The following ZNF280D variants were observed in gnomAD, a reference collection of about 807,000 sequenced individuals.
The protein encoded by ZNF280D is suppressor of hairy wing homolog 4.
ZNF280D carries 39 observed loss-of-function variants against 94.7 expected under a neutral mutation model. That is an observed-to-expected ratio of 0.41 (90% confidence interval 0.32 to 0.54). ZNF280D has a LOEUF of 0.54. ZNF280D is among the 20% of genes least tolerant of loss of function. ZNF280D has a pLI of 0.22. For missense variants in ZNF280D, 1,090 were observed against 1,149.3 expected (o/e 0.95, Z 0.75); for synonymous variants, 398 against 377.6 (o/e 1.05, Z -0.63).
At chr15:56,676,919 A>C in intron 12 of ZNF280D, 103 bp from the exon 13 acceptor site, 1 of 881,860 alleles carries the variant, frequency 1.1e-6, no homozygotes, top group Non-Finnish European at 1.7e-6. Flanking sequence ...ATTATGTACT[A>C]CTAATCTAGC....
In ZNF280D at chr15:56,689,399, G is replaced by T; in HGVS notation, c.571C>A (p.Pro191Thr). The change falls in exon 8 of 22, where the codon CCT becomes ACT. Residue 191 changes from proline (P) to threonine (T), a missense_variant. Physicochemically the swap from Pro to Thr is conservative, Grantham distance 38 (BLOSUM62 -1). Coordinates refer to ENST00000267807, the MANE Select transcript of ZNF280D (RefSeq NM_017661.4). ...SEVNNVNPKK[P>T]KPSESVSGAN... ...CCAGAAACACTTTCGCTGGGTTTAGGCTTCTTTGGATTAACATTATTTACT... is the reference window on the plus strand; with the variant it reads ...CCAGAAACACTTTCGCTGGGTTTAGTCTTCTTTGGATTAACATTATTTACT... 6.2e-7 allele frequency: 1 copy of T among 1,604,506 alleles called. No individual in the cohort carries two copies. The highest frequency in any genetic ancestry group is 8.5e-7 in the Non-Finnish European group (1 of 1,175,260).
In ZNF280D at chr15:56,707,151, C is replaced by G. The variant is rs755618940; in HGVS notation, c.-41-1G>C. Reference sequence around the variant, plus strand: ...CTTTCTGTAAATTGTCACCTAAGTACTGACACATGATATCAGTCAATTTAA... The same window carrying G: ...CTTTCTGTAAATTGTCACCTAAGTAGTGACACATGATATCAGTCAATTTAA... On this transcript the variant is annotated splice_acceptor_variant, in intron 2 of 21. Coordinates refer to ENST00000267807, the MANE Select transcript of ZNF280D (RefSeq NM_017661.4). LOFTEE classifies it low-confidence loss of function (5UTR_SPLICE). The G allele has an allele frequency of 1.9e-6, 3 of 1,613,554 alleles. No homozygotes were observed. The South Asian group carries it at 3.3e-5, about 18-fold the overall frequency.
intron 1 of ZNF280D, among the ~76,000 whole-genome samples, chr15:56,710,762 C>T (rs1263163487): frequency 1.1e-4 from 16 of 151,906 alleles, no homozygotes; most frequent in African/African-American, 3.4e-4. Flanking sequence ...GTACTGCTGC[C>T]GTGTTAAATA....
intron 9 of ZNF280D, among the ~76,000 whole-genome samples, chr15:56,684,446 T>C (rs1381334938): frequency 6.6e-6 from 1 of 152,096 alleles, no homozygotes; most frequent in African/African-American, 2.4e-5. Flanking sequence ...TGCCTCTATT[T>C]GGAAGACCAC....
Position 56,636,459 on chromosome 15 carries a change from G to A in ZNF280D, c.2260-1209C>T, listed in dbSNP as rs528311527. On this transcript the variant is annotated intron_variant, in intron 20 of 21. Transcript: ENST00000267807. ...ACCTATCCCTTCCCTTACCAAAGAG[G>A]CTAAAACTTAACTTCCTTCCTTCCT... 4.0e-5 allele frequency among the ~76,000 whole-genome samples: 6 copies of A among 150,754 alleles called. No homozygotes were observed. In the East Asian group the frequency reaches 1.2e-3, roughly 29 times the overall value.
At chr15:56,720,849 A>G (rs1203019446) in intron 1 of ZNF280D, among the ~76,000 whole-genome samples, 1 of 151,356 alleles carries the variant, frequency 6.6e-6, no homozygotes, top group East Asian at 1.9e-4. Flanking sequence ...ACAGGCTTAA[A>G]TTTTCTGTAA....
chr15:56,720,849 A>C (rs1203019446), intron 1 of ZNF280D, among the ~76,000 whole-genome samples: 2 of 151,356 alleles, frequency 1.3e-5, no homozygotes, highest in Non-Finnish European at 2.9e-5. Flanking sequence ...ACAGGCTTAA[A>C]TTTTCTGTAA....
At chr15:56,726,253 G>A (rs1243426643) in intron 1 of ZNF280D, among the ~76,000 whole-genome samples, 1 of 151,992 alleles carries the variant, frequency 6.6e-6, no homozygotes, top group African/African-American at 2.4e-5. Flanking sequence ...AGGCAGGTAG[G>A]TTTAATGTGT....
rs1462889443 is a variant in ZNF280D at position 56,693,173 on chromosome 15, A to T, written c.424T>A (p.Ser142Thr). 1.9e-6 allele frequency: 3 copies of T among 1,602,948 alleles called. No individual in the cohort carries two copies. Among genetic ancestry groups the T allele is most frequent in the African/African-American group, 2.7e-5 (2 of 74,684 alleles). ...NSSRVVSNKS[S>T]ELLFDLTQDT... ...TGGGTCAAGTCAAACAGTAACTCTG[A>T]TGACTTATTAGACACAACTCGTGAT... Residue 142 changes from serine to threonine, a missense_variant, in exon 7 of 22, where the codon TCA becomes ACA. Physicochemically the swap from Ser to Thr is moderately conservative, Grantham distance 58. Coordinates refer to ENST00000267807, the MANE Select transcript of ZNF280D (RefSeq NM_017661.4).
chr15:56,669,880 TATATATATTATATATATATATA>T, intron 13 of ZNF280D, among the ~76,000 whole-genome samples: 192 of 7,164 alleles, frequency 0.027, 37 homozygotes, highest in African/African-American at 0.053. Flanking sequence ...ATTTTATATA[TATATATATTATATATATATATA>T]ATATATATAT....
intron 16 of ZNF280D, among the ~76,000 whole-genome samples, chr15:56,659,431 T>TA (rs1273158966): frequency 6.6e-6 from 1 of 152,108 alleles, no homozygotes; most frequent in Non-Finnish European, 1.5e-5. Context: ...GTTACACACA[T>TA]ACAGCACAAT....
At chr15:56,664,275 AC>A (rs2054145675) in intron 16 of ZNF280D, among the ~76,000 whole-genome samples, 1 of 152,236 alleles carries the variant, frequency 6.6e-6, no homozygotes, top group Non-Finnish European at 1.5e-5. Context: ...GGTAGCAAAC[AC>A]TTTTTACAAA....
intron 16 of ZNF280D, among the ~76,000 whole-genome samples, chr15:56,662,553 C>T (rs555748885): frequency 1.3e-4 from 20 of 152,132 alleles, no homozygotes; most frequent in Admixed American, 3.9e-4. Context: ...GGGCCAGGCA[C>T]GGTGGCTCAT....
chr15:56,706,939 G>A, intron 3 of ZNF280D, 143 bp downstream of exon 3: 1 of 720,798 alleles, frequency 1.4e-6, no homozygotes, highest in Non-Finnish European at 2.3e-6. Context: ...TATATTACTT[G>A]TTTTTATGTG....
At chr15:56,645,682 G>T (rs903278992) in intron 19 of ZNF280D, among the ~76,000 whole-genome samples, 5 of 152,116 alleles carry the variant, frequency 3.3e-5, no homozygotes, top group Admixed American at 2.0e-4. Context: ...AAGTAGCTGG[G>T]ATTACAGGCA....
At chr15:56,642,866 G>T in intron 20 of ZNF280D, 86 bp downstream of exon 20, 2 of 891,030 alleles carry the variant, frequency 2.2e-6, no homozygotes, top group Non-Finnish European at 3.2e-6. Flanking sequence ...ATGTATGCAT[G>T]CTGAAATTGA....
chr15:56,655,427 C>T (rs1407146933), intron 17 of ZNF280D, among the ~76,000 whole-genome samples: 2 of 103,152 alleles, frequency 1.9e-5, no homozygotes, highest in Admixed American at 1.1e-4. Context: ...AGGCTGGTCT[C>T]GAACTCCTGA....
In ZNF280D at chr15:56,704,041, T is replaced by C. The variant is rs1178444243; in HGVS notation, c.175+80A>G. On this transcript the variant is annotated intron_variant, in intron 4 of 21. Coordinates refer to ENST00000267807, the MANE Select transcript of ZNF280D (RefSeq NM_017661.4). ...TTTACAGTGGAACATGAACATCAAC[T>C]ACCTATTAAACAGTTCACAAGTTTT... 2.7e-6 allele frequency: 4 copies of C among 1,470,464 alleles called. No homozygotes were observed. In the East Asian group the frequency reaches 9.3e-5, roughly 34 times the overall value. 91.1% of individuals were successfully genotyped at this position (1,470,464 alleles called of 1,614,324 possible).
At chr15:56,672,532 T>C (rs1208264563) in intron 13 of ZNF280D, among the ~76,000 whole-genome samples, 2 of 152,142 alleles carry the variant, frequency 1.3e-5, no homozygotes, top group African/African-American at 4.8e-5. Context: ...TAAAGCCTAC[T>C]TGATCATGGT....
Sources: allele counts gnomAD v4.1 joint callset (sites outside exome capture counted in the v4.1 genomes callset), GRCh38; gene constraint gnomAD v4.1.1; transcripts MANE v1.5; gene names NCBI Gene and HGNC (gene_info 2026-07-23, HGNC 2026-07-21).